The following GRM8 variants were observed in gnomAD, a reference collection of about 807,000 sequenced individuals.
The protein encoded by GRM8 is metabotropic glutamate receptor 8.
A neutral mutation model predicts 87.2 loss-of-function variants in GRM8; 47 were observed. The ratio of observed to expected loss-of-function variants is 0.54; its 90% CI spans 0.43 to 0.69. GRM8 has a LOEUF of 0.69. GRM8 is among the 30% of genes least tolerant of loss of function. The probability of loss-of-function intolerance (pLI) is 0.00; values close to 1 mark genes in which losing one functional copy is unlikely to be tolerated. For synonymous variants in GRM8, 396 were observed against 404.5 expected (o/e 0.98, Z 0.25); for missense variants, 1,019 against 1,139.2 (o/e 0.89, Z 1.52).
chr7:127,187,152 A>G (rs1420543184), intron 2 of GRM8, among the ~76,000 whole-genome samples: 1 of 152,090 alleles, frequency 6.6e-6, no homozygotes, highest in Non-Finnish European at 1.5e-5. Context: ...AGTTGAGAAT[A>G]CACAATAAGA....
intron 6 of GRM8, among the ~76,000 whole-genome samples, chr7:126,774,829 C>T (rs1819241077): frequency 6.6e-6 from 1 of 152,108 alleles, no homozygotes; most frequent in Non-Finnish European, 1.5e-5. Context: ...ATTGTGGTTG[C>T]AAAGCATTGC....
Position 127,046,123 on chromosome 7 carries a change from T to C in GRM8, c.727+60373A>G, listed in dbSNP as rs549932228. ...TAACATATAGTTTTAGTTGATGTTA[T>C]GAAAAGCATTTTTTCAGGTGGGCGG... On this transcript the variant is annotated intron_variant, in intron 3 of 10. Transcript: ENST00000339582. Among the ~76,000 whole-genome samples, 39 of 152,304 alleles carry C rather than the reference T, an allele frequency of 2.6e-4. No homozygotes were observed. The South Asian group carries it at 8.1e-3, about 32-fold the overall frequency.
chr7:126,600,462 G>C (rs985054548), intron 8 of GRM8, among the ~76,000 whole-genome samples: 3 of 152,098 alleles, frequency 2.0e-5, no homozygotes, highest in African/African-American at 7.2e-5. Flanking sequence ...TATCTACATA[G>C]GGATGACTGT....
At chr7:126,710,050 T>G (rs1810944592) in intron 7 of GRM8, among the ~76,000 whole-genome samples, 1 of 152,230 alleles carries the variant, frequency 6.6e-6, no homozygotes. Flanking sequence ...GTTTCCCACA[T>G]AAAAGTTAGT....
chr7:127,041,866 G>T (rs1016161404), intron 3 of GRM8, among the ~76,000 whole-genome samples: 15 of 152,176 alleles, frequency 9.9e-5, no homozygotes, highest in African/African-American at 3.1e-4. Flanking sequence ...AGCCCTGCTT[G>T]GTTGATACAG....
chr7:126,723,150 T>C (rs1248102705), intron 7 of GRM8, among the ~76,000 whole-genome samples: 1 of 151,750 alleles, frequency 6.6e-6, no homozygotes, highest in Non-Finnish European at 1.5e-5. Context: ...TGAAGGGCTG[T>C]AATAACGCCC....
At chr7:127,091,507 A>C (rs1195280370) in intron 3 of GRM8, among the ~76,000 whole-genome samples, 2 of 26,260 alleles carry the variant, frequency 7.6e-5, no homozygotes, top group Admixed American at 6.2e-4. Flanking sequence ...TCCCCCCACC[A>C]CCATCCCACT....
At chr7:126,832,416 T>C (rs1044439969) in intron 6 of GRM8, among the ~76,000 whole-genome samples, 1 of 152,108 alleles carries the variant, frequency 6.6e-6, no homozygotes, top group East Asian at 1.9e-4. Context: ...CTTAAACCTA[T>C]CTATATATTC....
At chr7:126,901,233 C>A (rs904305282) in intron 6 of GRM8, among the ~76,000 whole-genome samples, 1 of 152,118 alleles carries the variant, frequency 6.6e-6, no homozygotes, top group Non-Finnish European at 1.5e-5. Context: ...TGACTGACCA[C>A]TTCTTGTCAC....
At chr7:126,611,945 T>C (rs1798955239) in intron 7 of GRM8, among the ~76,000 whole-genome samples, 1 of 152,216 alleles carries the variant, frequency 6.6e-6, no homozygotes, top group Non-Finnish European at 1.5e-5. Flanking sequence ...TTTGACATTG[T>C]ATTAAGGTGC....
At chr7:126,451,323 T>C (rs1802592718) in intron 9 of GRM8, among the ~76,000 whole-genome samples, 2 of 151,728 alleles carry the variant, frequency 1.3e-5, no homozygotes, top group South Asian at 2.1e-4. Flanking sequence ...GAACTTGAAA[T>C]TGTCTTTTAC....
intron 3 of GRM8, among the ~76,000 whole-genome samples, chr7:126,924,746 A>G (rs1361446242): frequency 1.3e-5 from 2 of 152,196 alleles, no homozygotes; most frequent in Non-Finnish European, 2.9e-5. Flanking sequence ...GCATCATGCA[A>G]AAGAATTTAA....
chr7:127,062,659 G>A (rs1471660077), intron 3 of GRM8, among the ~76,000 whole-genome samples: 3 of 152,062 alleles, frequency 2.0e-5, no homozygotes, highest in African/African-American at 7.2e-5. Context: ...TTTTTTGGTT[G>A]GTAGGCTATT....
intron 8 of GRM8, among the ~76,000 whole-genome samples, chr7:126,572,971 T>C (rs532573684): frequency 1.3e-5 from 2 of 152,052 alleles, no homozygotes; most frequent in African/African-American, 2.4e-5. Flanking sequence ...AGAATGATGA[T>C]TGGAAACAAC....
At chr7:126,536,828 A>C (rs1331917023) in intron 8 of GRM8, among the ~76,000 whole-genome samples, 1 of 152,116 alleles carries the variant, frequency 6.6e-6, no homozygotes, top group Non-Finnish European at 1.5e-5. Context: ...CTGCTCAAAA[A>C]ACACAAAACA....
intron 2 of GRM8, among the ~76,000 whole-genome samples, chr7:127,126,829 C>T (rs1236570584): frequency 6.6e-6 from 1 of 151,838 alleles, no homozygotes. Context: ...TACTTGGGGG[C>T]TATATCTGAT....
At chr7:126,901,531 A>G (rs1802075126) in intron 6 of GRM8, among the ~76,000 whole-genome samples, 1 of 152,212 alleles carries the variant, frequency 6.6e-6, no homozygotes, top group Non-Finnish European at 1.5e-5. Flanking sequence ...AGATTCTTCC[A>G]CAGTGTGGCA....
intron 2 of GRM8, chr7:127,112,345 C>T (rs1826422293): frequency 6.6e-6 from 1 of 152,240 alleles, no homozygotes; most frequent in African/African-American, 2.4e-5. Flanking sequence ...ATGACCTCAT[C>T]ACTCTACTTA....
At chr7:126,484,745 T>C (rs1807151303) in intron 9 of GRM8, among the ~76,000 whole-genome samples, 1 of 152,040 alleles carries the variant, frequency 6.6e-6, no homozygotes, top group South Asian at 2.1e-4. Context: ...GGAAATCAAA[T>C]TTGTAACAGT....
Sources: gnomAD v4.1 joint callset for allele counts (sites outside exome capture counted in the v4.1 genomes callset) on GRCh38, gnomAD v4.1.1 for gene constraint, MANE v1.5 for transcripts, NCBI Gene and HGNC (gene_info 2026-07-23, HGNC 2026-07-21) for gene names.